SPATC1L: variants seen among roughly 807,000 people sequenced by gnomAD.
The protein encoded by SPATC1L is spermatogenesis and centriole associated 1 like.
SPATC1L carries 20 observed loss-of-function variants against 21.2 expected under a neutral mutation model. The observed-to-expected ratio is 0.94, with a 90% CI of 0.66 to 1.37. The LOEUF (loss-of-function observed/expected upper bound fraction) is 1.37, where lower values mean the gene tolerates loss of function less well. Among genes scored for constraint, SPATC1L ranks in the 40% most tolerant of loss-of-function variants. SPATC1L has a pLI of 0.00. For missense variants in SPATC1L, 499 were observed against 478.7 expected (o/e 1.04, Z -0.40); for synonymous variants, 290 against 234.5 (o/e 1.24, Z -2.16).
In SPATC1L at chr21:46,168,359, C is replaced by T. The variant is rs1023437331; in HGVS notation, c.493G>A (p.Glu165Lys). The part of the protein sequence containing the change: ...MVRPKKVCFS[E>K]SSLPTGDRTR... ...CTGTCCCCGGTGGGCAGGCTGCTCT[C>T]CGAGAAACACACCTTCTTAGGCCGG... Residue 165 changes from glutamate (E) to lysine (K), a missense_variant, in exon 3 of 5, where the codon GAG (glutamate) becomes AAG (lysine). Glu to Lys is a moderately conservative substitution (Grantham distance 56, BLOSUM62 1). Coordinates refer to ENST00000291672, the MANE Select transcript of SPATC1L (RefSeq NM_001142854.2). The T allele has an allele frequency of 1.1e-5, 18 of 1,605,012 alleles. 1 individual carries two copies. The highest frequency in any genetic ancestry group is 1.5e-5 in the Non-Finnish European group (18 of 1,173,026).
At chr21:46,181,721 C>T (rs987278465) in intron 2 of SPATC1L, among the ~76,000 whole-genome samples, 5 of 152,110 alleles carry the variant, frequency 3.3e-5, no homozygotes, top group East Asian at 1.9e-4. Flanking sequence ...CGGGCACTGG[C>T]GAGGCTGCCT....
intron 2 of SPATC1L, among the ~76,000 whole-genome samples, chr21:46,169,397 C>T (rs113178145): frequency 4.9e-5 from 3 of 61,394 alleles, no homozygotes; most frequent in African/African-American, 1.8e-4. Context: ...GGGAGGAGCC[C>T]CTGCTCTGTG....
At chr21:46,174,160 T>C (rs1395894645) in intron 2 of SPATC1L, among the ~76,000 whole-genome samples, 5 of 151,882 alleles carry the variant, frequency 3.3e-5, no homozygotes, top group African/African-American at 7.3e-5. Flanking sequence ...AAAACCCATC[T>C]CTACTAAAAA....
chr21:46,170,980 G>T lies in SPATC1L; in HGVS notation c.194-2322C>A, dbSNP rs2079585044. Among the ~76,000 whole-genome samples the T allele has an allele frequency of 2.6e-5, 4 of 150,988 alleles. 1 individual carries two copies. Among genetic ancestry groups the T allele is most frequent in the Non-Finnish European group, 4.4e-5 (3 of 67,760 alleles). On this transcript the variant is annotated intron_variant, in intron 2 of 4. Coordinates refer to ENST00000291672, the MANE Select transcript of SPATC1L (RefSeq NM_001142854.2). The stretch of plus-strand genomic sequence containing the variant: ...CCCTGCTCTGTAAACATCCTCTGTG[G>T]ATGGGGAGGAGCCTCCTGCTCTGTG...
chr21:46,173,917 C>T (rs1211701416), intron 2 of SPATC1L, among the ~76,000 whole-genome samples: 1 of 152,162 alleles, frequency 6.6e-6, no homozygotes, highest in African/African-American at 2.4e-5. Context: ...CAAAACAAGT[C>T]CCCCAGAGCT....
At position 46,163,735 on chromosome 21, in the gene SPATC1L, G is replaced by A. The variant is rs547829045; in HGVS notation, c.545-1668C>T. Among the ~76,000 whole-genome samples the A allele has an allele frequency of 6.6e-5, 10 of 152,250 alleles. 1 individual carries two copies. The South Asian group carries it at 2.1e-3, about 32-fold the overall frequency. On this transcript the variant is annotated intron_variant, in intron 3 of 4. Transcript: ENST00000291672. ...TGGCAGTACCACAGTCTTGTTAACT[G>A]TAAGTTTTATAGTCAATTTTGAAAC...
intron 3 of SPATC1L, among the ~76,000 whole-genome samples, chr21:46,164,885 G>C (rs1009513012): frequency 4.6e-5 from 7 of 151,666 alleles, no homozygotes; most frequent in Non-Finnish European, 8.8e-5. Flanking sequence ...GAAGAGAAAT[G>C]ATTCTAGTAT....
chr21:46,176,220 C>A (rs147738605), intron 2 of SPATC1L, among the ~76,000 whole-genome samples: 13 of 152,146 alleles, frequency 8.5e-5, no homozygotes, highest in African/African-American at 3.1e-4. Flanking sequence ...CAAAACTTGG[C>A]ACAAGACAAG....
At chr21:46,164,515 C>T (rs1305860787) in intron 3 of SPATC1L, among the ~76,000 whole-genome samples, 2 of 152,062 alleles carry the variant, frequency 1.3e-5, no homozygotes, top group African/African-American at 2.4e-5. Context: ...AGCTCTTGGC[C>T]AGGTGCGGTG....
chr21:46,164,687 G>T (rs1312407805), intron 3 of SPATC1L, among the ~76,000 whole-genome samples: 1 of 151,762 alleles, frequency 6.6e-6, no homozygotes, highest in African/African-American at 2.4e-5. Context: ...AGCTACTGAG[G>T]AGGCTGAGGC....
At chr21:46,169,335 T>A (rs1424029270) in intron 2 of SPATC1L, among the ~76,000 whole-genome samples, 3 of 141,500 alleles carry the variant, frequency 2.1e-5, no homozygotes, top group African/African-American at 5.2e-5. Flanking sequence ...TCTGTGAGCA[T>A]CCTCTGTGGA....
intron 2 of SPATC1L, among the ~76,000 whole-genome samples, chr21:46,180,065 C>G (rs1266742108): frequency 6.6e-6 from 1 of 151,422 alleles, no homozygotes; most frequent in Non-Finnish European, 1.5e-5. Context: ...ACCCGAGGAC[C>G]CAGGTGTGGG....
At chr21:46,171,379 A>C (rs1346645818) in intron 2 of SPATC1L, among the ~76,000 whole-genome samples, 2 of 151,964 alleles carry the variant, frequency 1.3e-5, no homozygotes, top group African/African-American at 2.4e-5. Flanking sequence ...CAGTGAGCCA[A>C]GATCGTGCCA....
intron 2 of SPATC1L, among the ~76,000 whole-genome samples, chr21:46,179,886 GAGA>G (rs1460570644): frequency 6.6e-6 from 1 of 152,244 alleles, no homozygotes; most frequent in Non-Finnish European, 1.5e-5. Context: ...AAACCTGGGT[GAGA>G]AGACCTGGAG....
chr21:46,179,537 G>A lies in SPATC1L; in HGVS notation c.193+3087C>T, dbSNP rs567476547. Among the ~76,000 whole-genome samples the A allele has an allele frequency of 3.9e-5, 6 of 152,278 alleles. No individual in the cohort carries two copies. In the Middle Eastern group the frequency reaches 0.01, roughly 261 times the overall value. On this transcript the variant is annotated intron_variant, in intron 2 of 4. Coordinates refer to ENST00000291672, the MANE Select transcript of SPATC1L (RefSeq NM_001142854.2). ...GAATTCATTACATTGTGGTTCATCC[G>A]AATCGGCAATATTGCAGGGCCATTT...
Position 46,184,444 on chromosome 21 carries a change from G to C in SPATC1L, c.-1047C>G, listed in dbSNP as rs1004405373. The C allele has an allele frequency of 1.2e-5, 2 of 164,164 alleles. No individual in the cohort carries two copies. Among genetic ancestry groups the C allele is most frequent in the African/African-American group, 4.8e-5 (2 of 41,328 alleles). 10.2% of individuals were successfully genotyped at this position (164,164 alleles called of 1,614,324 possible). A position where few individuals can be genotyped will look rare whatever the true frequency, so the allele number is the denominator to read the frequency against. ...TCATCTCATCCTCATGGGAAGGGAC[G>C]TACGGCAGAAAGCACAACCCAGTGG... On this transcript the variant is annotated 5_prime_UTR_variant, in exon 1 of 5. Transcript: ENST00000291672.
At position 46,171,905 on chromosome 21, in the gene SPATC1L, C is replaced by T. The variant is rs916980405; in HGVS notation, c.194-3247G>A. ...AATTAGGTTTCAAAATTTGTCACAA[C>T]TCTGATGTCAAATTCCTACAAAGAT... On this transcript the variant is annotated intron_variant, in intron 2 of 4. Coordinates refer to ENST00000291672, the MANE Select transcript of SPATC1L (RefSeq NM_001142854.2). Among the ~76,000 whole-genome samples, 25 of 135,712 alleles carry T rather than the reference C, an allele frequency of 1.8e-4. 1 individual carries two copies. The highest frequency in any genetic ancestry group is 7.1e-4 in the African/African-American group (25 of 35,276). The allele number at this position is 135,712 out of a possible 152,430, so 89.0% of individuals were successfully genotyped here. A position where few individuals can be genotyped will look rare whatever the true frequency, so the allele number is the denominator to read the frequency against.
chr21:46,175,659 G>T (rs1233687211), intron 2 of SPATC1L, among the ~76,000 whole-genome samples: 2 of 152,124 alleles, frequency 1.3e-5, no homozygotes, highest in African/African-American at 4.8e-5. Context: ...AATTGAGTCA[G>T]TAATAAATAG....
At chr21:46,177,870 C>T (rs2079643385) in intron 2 of SPATC1L, among the ~76,000 whole-genome samples, 3 of 152,144 alleles carry the variant, frequency 2.0e-5, no homozygotes, top group South Asian at 2.1e-4. Flanking sequence ...AACTTAAATG[C>T]CCATCAGTGG....
Sources: allele counts gnomAD v4.1 joint callset (sites outside exome capture counted in the v4.1 genomes callset), GRCh38; gene constraint gnomAD v4.1.1; transcripts MANE v1.5; gene names NCBI Gene and HGNC (gene_info 2026-07-23, HGNC 2026-07-21).